Variants in DDX60L observed in about 807,000 individuals in gnomAD.
The protein encoded by DDX60L is DExD/H-box 60 like.
In DDX60L, 191 loss-of-function variants were observed where a neutral mutation model predicts 211.6. The ratio of observed to expected loss-of-function variants is 0.90; its 90% CI spans 0.80 to 1.02. The LOEUF is 1.02. DDX60L is among the 50% of genes least tolerant of loss of function. The probability of loss-of-function intolerance (pLI) is 0.00; values close to 1 mark genes in which losing one functional copy is unlikely to be tolerated. For synonymous variants in DDX60L, 706 were observed against 694.1 expected, an observed-to-expected ratio of 1.02 and a Z score of -0.27; for missense variants, 2,007 against 1,984.1, an observed-to-expected ratio of 1.01 and a Z score of -0.22.
chr4:168,436,387 A>G (rs1753036241), intron 10 of DDX60L, among the ~76,000 whole-genome samples: 1 of 152,200 alleles, frequency 6.6e-6, no homozygotes, highest in Non-Finnish European at 1.5e-5. Context: ...TTCACACAAT[A>G]TGGTTTCTGA....
At chr4:168,420,770 A>T (rs547703873) in intron 17 of DDX60L, among the ~76,000 whole-genome samples, 91 of 152,244 alleles carry the variant, frequency 6.0e-4, no homozygotes, top group Non-Finnish European at 9.4e-4. Flanking sequence ...TATCTGGTTC[A>T]TGATTCCAGG....
chr4:168,385,652 T>C (rs1410902362), intron 29 of DDX60L, among the ~76,000 whole-genome samples: 2 of 152,120 alleles, frequency 1.3e-5, no homozygotes, highest in African/African-American at 4.8e-5. Flanking sequence ...TAATGTGGAA[T>C]TGAATTGAGC....
At chr4:168,447,481 T>G (rs1754994339) in intron 9 of DDX60L, among the ~76,000 whole-genome samples, 2 of 151,930 alleles carry the variant, frequency 1.3e-5, no homozygotes, top group Admixed American at 1.3e-4. Flanking sequence ...TGGCGATTCC[T>G]CAGGGATCTA....
Position 168,480,001 on chromosome 4 carries a change from A to AAAAG in DDX60L, c.-111+375_-111+376insCTTT, listed in dbSNP as rs199636956. 2.7e-3 allele frequency among the ~76,000 whole-genome samples: 373 copies of AAAAG among 140,426 alleles called. 10 individuals are homozygous for AAAAG. Among genetic ancestry groups the AAAAG allele is most frequent in the Non-Finnish European group, 4.2e-3 (272 of 65,154 alleles). 92.1% of individuals were successfully genotyped at this position (140,426 alleles called of 152,430 possible). On this transcript the variant is annotated intron_variant, in intron 1 of 37. Transcript: ENST00000682922. ...TGACTCAAAAAAAAAAAAAAAAAAAAAGCTTAAATACAAGACGGAAAAAAG... is the reference window on the plus strand; with the variant it reads ...TGACTCAAAAAAAAAAAAAAAAAAAAAAAGAGCTTAAATACAAGACGGAAAAAAG...
At chr4:168,365,812 A>T (rs1345131060) in intron 36 of DDX60L, among the ~76,000 whole-genome samples, 1 of 152,200 alleles carries the variant, frequency 6.6e-6, no homozygotes, top group Non-Finnish European at 1.5e-5. Context: ...AAGCACATTA[A>T]AAATGTCATT....
In DDX60L at chr4:168,361,231, T is replaced by C; in HGVS notation, c.4929-20A>G. The C allele has an allele frequency of 6.6e-7, 1 of 1,509,800 alleles. No individual in the cohort carries two copies. Among genetic ancestry groups the C allele is most frequent in the South Asian group, 1.2e-5 (1 of 86,056 alleles). The allele number at this position is 1,509,800 out of a possible 1,614,324, so 93.5% of individuals were successfully genotyped here. A position where few individuals can be genotyped will look rare whatever the true frequency, so the allele number is the denominator to read the frequency against. ...CGCATCCTAAAGAGAACAACATTTC[T>C]TAATTAAAAAGTATAAAAACATAAA... On this transcript the variant is annotated intron_variant, in intron 36 of 37. Coordinates refer to ENST00000682922, the MANE Select transcript of DDX60L (RefSeq NM_001012967.3).
intron 8 of DDX60L, among the ~76,000 whole-genome samples, chr4:168,449,668 A>G (rs1469146786): frequency 2.7e-5 from 4 of 145,918 alleles, no homozygotes; most frequent in African/African-American, 5.0e-5. Context: ...AAAAAAAAGA[A>G]AAAAGAAAAA....
At chr4:168,437,326 A>C (rs1280958720) in intron 10 of DDX60L, among the ~76,000 whole-genome samples, 1 of 152,234 alleles carries the variant, frequency 6.6e-6, no homozygotes, top group Non-Finnish European at 1.5e-5. Context: ...CCCAGAGGAA[A>C]CACACAGAGA....
At position 168,404,014 on chromosome 4, in the gene DDX60L, TCTTAA is replaced by T; in HGVS notation, c.3301_3305del (p.Leu1101ThrfsTer4). ...ATATTGCAGGCAACTTATCCATTTG[TCTTAA>T]CTTTTCAACAAGAAGAGGAAACATT... is the stretch of plus-strand genomic sequence containing the variant. On this transcript the variant is annotated frameshift_variant, in exon 25 of 38. Transcript: ENST00000682922. LOFTEE classifies it high-confidence loss of function. 1 of 1,502,336 alleles carries T rather than the reference TCTTAA, an allele frequency of 6.7e-7. No homozygotes were observed. Among genetic ancestry groups the T allele is most frequent in the African/African-American group, 1.4e-5 (1 of 71,566 alleles). 93.1% of individuals were successfully genotyped at this position (1,502,336 alleles called of 1,614,324 possible).
chr4:168,449,611 A>T (rs1303520237), intron 8 of DDX60L, among the ~76,000 whole-genome samples: 1 of 44,004 alleles, frequency 2.3e-5, no homozygotes, highest in Non-Finnish European at 4.4e-5. Flanking sequence ...AACTTAGAGT[A>T]TAATAAAAAA....
Position 168,461,706 on chromosome 4 carries a change from GA to G in DDX60L, c.598del (p.Ser200ProfsTer7). On this transcript the variant is annotated frameshift_variant, in exon 5 of 38. Transcript: ENST00000682922. LOFTEE classifies it high-confidence loss of function. ...GTTATTAATGTCAATTACCTCCTTG[GA>G]AAAAGTTTGGTTTCTGTCTGTGCTT... The part of the protein sequence containing the change: ...MESTDRNQTF[S>X]KENETVIQSA... 4 of 1,530,012 alleles carry G rather than the reference GA, an allele frequency of 2.6e-6. No individual in the cohort carries two copies. The highest frequency in any genetic ancestry group is 3.5e-6 in the Non-Finnish European group (4 of 1,136,740). 94.8% of individuals were successfully genotyped at this position (1,530,012 alleles called of 1,614,324 possible).
At chr4:168,396,155 AG>A in intron 26 of DDX60L, 31 bp from the exon 27 acceptor site, 1 of 1,289,274 alleles carries the variant, frequency 7.8e-7, no homozygotes, top group Non-Finnish European at 1.0e-6. Context: ...AAAACTTTTA[AG>A]TAATGAAAAC....
At chr4:168,459,453 T>C (rs550802486) in intron 5 of DDX60L, among the ~76,000 whole-genome samples, 3 of 151,578 alleles carry the variant, frequency 2.0e-5, no homozygotes, top group East Asian at 3.9e-4. Context: ...CTTCTCAATA[T>C]GAAAATAAAG....
At chr4:168,424,417 T>C (rs1751145167) in intron 14 of DDX60L, among the ~76,000 whole-genome samples, 1 of 152,218 alleles carries the variant, frequency 6.6e-6, no homozygotes, top group Non-Finnish European at 1.5e-5. Context: ...CTTTATCCTC[T>C]TTCCTCTTTG....
chr4:168,452,741 G>A (rs1447972187), intron 8 of DDX60L, among the ~76,000 whole-genome samples: 2 of 151,988 alleles, frequency 1.3e-5, no homozygotes, highest in Non-Finnish European at 2.9e-5. Context: ...CAGTGGGTTA[G>A]GAGTACATAT....
At chr4:168,361,440 T>C in intron 36 of DDX60L, 1 of 417,676 alleles carries the variant, frequency 2.4e-6, no homozygotes, top group Non-Finnish European at 4.3e-6. Flanking sequence ...GAGGGTGAAA[T>C]ATAAAAGTAA....
chr4:168,369,496 A>AAAAAC (rs1740604889), intron 36 of DDX60L, among the ~76,000 whole-genome samples: 1 of 151,912 alleles, frequency 6.6e-6, no homozygotes, highest in Non-Finnish European at 1.5e-5. Flanking sequence ...AAAAAAAAAA[A>AAAAAC]CAGCAGAAAA....
rs909471552 is a variant in DDX60L, at chr4:168,433,141, G to A, written c.1295-26C>T. The A allele has an allele frequency of 9.7e-6, 14 of 1,447,288 alleles. No individual in the cohort carries two copies. In the Admixed American group the frequency reaches 1.1e-4, roughly 11 times the overall value. The allele number at this position is 1,447,288 out of a possible 1,614,324, so 89.7% of individuals were successfully genotyped here. On this transcript the variant is annotated intron_variant, in intron 10 of 37. Transcript: ENST00000682922. ...CTGAAAACAAATATAAATTTAAGAT[G>A]AGAGGAAAGGTGTAACTATCCTATA...
Position 168,400,928 on chromosome 4 carries a change from A to T in DDX60L, c.3389T>A (p.Leu1130Gln). Reference sequence around the variant, plus strand: ...ATGGCTTTTTGTCTCTGTCTTCTCCAGAAAAGTGCACACACTTCCAGCTCT... The same window carrying T: ...ATGGCTTTTTGTCTCTGTCTTCTCCTGAAAAGTGCACACACTTCCAGCTCT... ...GKRAGSVCTF[L>Q]EKTETKSHPH... The change falls in exon 26 of 38, where the codon CTG (leucine) becomes CAG (glutamine). Residue 1130 changes from leucine to glutamine, a missense_variant. Physicochemically the swap from Leu to Gln is moderately radical, Grantham distance 113. Transcript: ENST00000682922. 1 of 1,613,856 alleles carries T rather than the reference A, an allele frequency of 6.2e-7. No homozygotes were observed. Among genetic ancestry groups the T allele is most frequent in the Non-Finnish European group, 8.5e-7 (1 of 1,179,764 alleles).
Sources: gnomAD v4.1 joint callset for allele counts (sites outside exome capture counted in the v4.1 genomes callset) on GRCh38, gnomAD v4.1.1 for gene constraint, MANE v1.5 for transcripts, NCBI Gene and HGNC (gene_info 2026-07-23, HGNC 2026-07-21) for gene names.